ZNF346: variants seen among roughly 807,000 people sequenced by gnomAD.
ZNF346 encodes zinc finger protein 346.
ZNF346 carries 23 observed loss-of-function variants against 33.7 expected under a neutral mutation model. That is an observed-to-expected ratio of 0.68 (90% CI 0.49 to 0.97). The LOEUF is 0.97. Ranked by LOEUF, ZNF346 falls within the 50% of genes least tolerant of loss-of-function variation. The probability of loss-of-function intolerance (pLI) is 0.00; values close to 1 mark genes in which losing one functional copy is unlikely to be tolerated. For synonymous variants in ZNF346, 134 were observed against 142.4 expected (o/e 0.94, Z 0.42); for missense variants, 340 against 371.1 (o/e 0.92, Z 0.69).
intron 1 of ZNF346, 93 bp downstream of exon 1, chr5:177,023,006 G>GC: frequency 6.9e-7 from 1 of 1,441,450 alleles, no homozygotes. Context: ...CCCCTGGCCC[G>GC]CCTCCTTGCG....
Position 177,042,593 on chromosome 5 carries a change from C to T in ZNF346, c.372+723C>T, listed in dbSNP as rs1779477427. 2.0e-5 allele frequency among the ~76,000 whole-genome samples: 3 copies of T among 152,170 alleles called. No homozygotes were observed. In the South Asian group the frequency reaches 6.2e-4, roughly 31 times the overall value. On this transcript the variant is annotated intron_variant, in intron 3 of 6. Transcript: ENST00000358149. ...GATGCTCAATAAATAAGAGTTTACTCTATAGACTGCTACCTCCTATTATAG... is the reference window on the plus strand; with the variant it reads ...GATGCTCAATAAATAAGAGTTTACTTTATAGACTGCTACCTCCTATTATAG...
intron 1 of ZNF346, among the ~76,000 whole-genome samples, chr5:177,029,223 A>G (rs1360113908): frequency 6.6e-6 from 1 of 152,142 alleles, no homozygotes; most frequent in Admixed American, 6.5e-5. Flanking sequence ...GATTTAATCA[A>G]CCATGCCTAT....
chr5:177,052,985 G>A (rs1781160364), intron 5 of ZNF346: 1 of 151,972 alleles, frequency 6.6e-6, no homozygotes, highest in Admixed American at 6.6e-5. Context: ...CCACTCATTG[G>A]TAAAGGATGA....
intron 3 of ZNF346, among the ~76,000 whole-genome samples, chr5:177,043,755 C>A (rs1220134352): frequency 6.6e-6 from 1 of 151,598 alleles, no homozygotes; most frequent in Non-Finnish European, 1.5e-5. Context: ...CAGAGTGAGA[C>A]CCTGTCTTAA....
chr5:177,064,123 C>T lies in ZNF346; in HGVS notation c.798-389C>T, dbSNP rs755689335. Among the ~76,000 whole-genome samples, 6 of 152,226 alleles carry T rather than the reference C, an allele frequency of 3.9e-5. No homozygotes were observed. The East Asian group carries it at 9.6e-4, about 24-fold the overall frequency. ...CCTGGGATTCAAGCCTGTTTGACTT[C>T]GAAGCCCATTCATTTTACTCTGCCA... On this transcript the variant is annotated intron_variant, in intron 6 of 6. Transcript: ENST00000358149.
At chr5:177,051,465 G>A (rs775878967) in intron 5 of ZNF346, among the ~76,000 whole-genome samples, 67 of 151,580 alleles carry the variant, frequency 4.4e-4, no homozygotes, top group Admixed American at 1.5e-3. Context: ...GTGAGCCACC[G>A]CGCCCAGCCC....
intron 3 of ZNF346, among the ~76,000 whole-genome samples, chr5:177,043,213 G>A (rs1779592691): frequency 6.6e-6 from 1 of 151,552 alleles, no homozygotes; most frequent in South Asian, 2.1e-4. Flanking sequence ...TGCCCAGGCT[G>A]GTCTCAAATT....
chr5:177,059,789 G>A (rs1202127340), intron 5 of ZNF346, among the ~76,000 whole-genome samples: 4 of 152,180 alleles, frequency 2.6e-5, no homozygotes, highest in Non-Finnish European at 5.9e-5. Flanking sequence ...TACCTAATAT[G>A]TGCCAGGCAT....
chr5:177,056,674 C>G (rs1442334470), intron 5 of ZNF346, among the ~76,000 whole-genome samples: 1 of 150,752 alleles, frequency 6.6e-6, no homozygotes, highest in Non-Finnish European at 1.5e-5. Context: ...GACAGAAAAC[C>G]AAACACTGCA....
chr5:177,025,834 C>G (rs976903621), intron 1 of ZNF346, among the ~76,000 whole-genome samples: 3 of 151,926 alleles, frequency 2.0e-5, no homozygotes, highest in Non-Finnish European at 4.4e-5. Flanking sequence ...TTTTCATTTT[C>G]TAAACAGTGC....
chr5:177,051,055 A>C, intron 5 of ZNF346, 119 bp downstream of exon 5: 1 of 701,680 alleles, frequency 1.4e-6, no homozygotes, highest in Admixed American at 2.6e-5. Flanking sequence ...GCGAACTCAG[A>C]TGGCTACAGA....
chr5:177,031,325 G>T (rs577319430), intron 1 of ZNF346, among the ~76,000 whole-genome samples: 1 of 152,188 alleles, frequency 6.6e-6, no homozygotes, highest in Non-Finnish European at 1.5e-5. Context: ...GAGCCACTGC[G>T]CCTGGACACT....
rs574636511 is a variant in ZNF346, at chr5:177,066,015, G to C, written c.*1416G>C. On this transcript the variant is annotated 3_prime_UTR_variant, in exon 7 of 7. Transcript: ENST00000358149. ...TAGGGTTTTGAGCCATATTGCCATTGGATCTAGTATGTCTGTCTTGACCCC... is the reference window on the plus strand; with the variant it reads ...TAGGGTTTTGAGCCATATTGCCATTCGATCTAGTATGTCTGTCTTGACCCC... 37 of 144,200 alleles carry C rather than the reference G, an allele frequency of 2.6e-4. No individual in the cohort carries two copies. The highest frequency in any genetic ancestry group is 9.6e-4 in the African/African-American group (37 of 38,424). The allele number at this position is 144,200 out of a possible 1,614,324, so 8.9% of individuals were successfully genotyped here.
chr5:177,057,014 T>G (rs1021913611), intron 5 of ZNF346, among the ~76,000 whole-genome samples: 1 of 152,240 alleles, frequency 6.6e-6, no homozygotes, highest in Non-Finnish European at 1.5e-5. Context: ...GAACGTATTA[T>G]AGAAAGACCT....
At chr5:177,041,303 A>G (rs113660449) in intron 2 of ZNF346, 74 bp downstream of exon 2, 7 of 1,285,582 alleles carry the variant, frequency 5.4e-6, no homozygotes, top group Admixed American at 5.1e-5. Context: ...TCTGGCTTGC[A>G]TGGTGAAGTG....
At chr5:177,028,713 T>A in intron 1 of ZNF346, among the ~76,000 whole-genome samples, 1 of 113,850 alleles carries the variant, frequency 8.8e-6, no homozygotes, top group African/African-American at 3.7e-5. Context: ...CTTTCTTTTT[T>A]TTTTTTTTTT....
downstream of ZNF346, among the ~76,000 whole-genome samples, chr5:177,069,416 G>A (rs1783395587): frequency 6.7e-6 from 1 of 149,338 alleles, no homozygotes; most frequent in African/African-American, 2.5e-5. Context: ...TCGCGCCACT[G>A]CACTCCAGCC....
chr5:177,075,259 CG>C (rs1219672460), intron 8 of ZNF346, among the ~76,000 whole-genome samples: 2 of 151,420 alleles, frequency 1.3e-5, no homozygotes, highest in Non-Finnish European at 2.9e-5. Flanking sequence ...AAAAACTAGC[CG>C]GGCATGGTGG....
chr5:177,041,011 A>T, intron 1 of ZNF346, 115 bp from the exon 2 acceptor site: 1 of 771,164 alleles, frequency 1.3e-6, no homozygotes, highest in Non-Finnish European at 2.2e-6. Context: ...GAGGTCTGCC[A>T]GTGTCCTAGT....
Sources: allele counts gnomAD v4.1 joint callset (sites outside exome capture counted in the v4.1 genomes callset), GRCh38; gene constraint gnomAD v4.1.1; transcripts MANE v1.5; gene names NCBI Gene and HGNC (gene_info 2026-07-23, HGNC 2026-07-21).